The following RAB28 variants were observed in gnomAD, a reference collection of about 807,000 sequenced individuals.
RAB28 encodes the protein ras-related protein Rab-28.
In RAB28, 24 loss-of-function variants were observed where a neutral mutation model predicts 31.7. The observed-to-expected ratio is 0.76, with a 90% CI of 0.55 to 1.06. The LOEUF (loss-of-function observed/expected upper bound fraction) is 1.06. Among genes scored for constraint, RAB28 ranks in the 50% least tolerant of loss-of-function variants. The pLI, the probability that RAB28 is intolerant of heterozygous loss-of-function variation, is 0.00. For synonymous variants in RAB28, 100 were observed against 90.4 expected, an observed-to-expected ratio of 1.11 and a Z score of -0.60; for missense variants, 254 against 258.5, an observed-to-expected ratio of 0.98 and a Z score of 0.12.
intron 4 of RAB28, among the ~76,000 whole-genome samples, chr4:13,437,443 G>T (rs1351025461): frequency 6.6e-6 from 1 of 151,980 alleles, no homozygotes; most frequent in Admixed American, 6.6e-5. Context: ...CAGAATGAGA[G>T]AAAATACCTG....
At chr4:13,416,055 AAC>A (rs2108914883) in intron 4 of RAB28, among the ~76,000 whole-genome samples, 1 of 152,242 alleles carries the variant, frequency 6.6e-6, no homozygotes, top group South Asian at 2.1e-4. Context: ...AGGGATTGTA[AAC>A]ACACCAATCA....
At position 13,479,522 on chromosome 4, in the gene RAB28, G is replaced by A; in HGVS notation, c.80C>T (p.Ser27Phe). Reference sequence around the variant, plus strand: ...TTCTTGAGCAAAACACGTAGTTAAGGAGGTCTAAAAAATTGATGCACAGAA... The same window carrying A: ...TTCTTGAGCAAAACACGTAGTTAAGAAGGTCTAAAAAATTGATGCACAGAA... ...VLGDGASGKTSLTTCFAQETF... is the reference protein window; with the variant it reads ...VLGDGASGKTFLTTCFAQETF... The change falls in exon 2 of 7, where the codon TCC becomes TTC. Residue 27 changes from serine (S) to phenylalanine (F), a missense_variant. Transcript: ENST00000330852. 6.3e-7 allele frequency: 1 copy of A among 1,594,034 alleles called. No individual in the cohort carries two copies. The highest frequency in any genetic ancestry group is 8.6e-7 in the Non-Finnish European group (1 of 1,164,452).
chr4:13,471,332 C>T (rs1716110084), intron 3 of RAB28, among the ~76,000 whole-genome samples: 1 of 152,048 alleles, frequency 6.6e-6, no homozygotes, highest in African/African-American at 2.4e-5. Flanking sequence ...TGAAAAGTAA[C>T]ATTTTCTCCA....
At chr4:13,460,963 C>T in intron 3 of RAB28, 135 bp from the exon 4 acceptor site, 1 of 793,916 alleles carries the variant, frequency 1.3e-6, no homozygotes, top group Non-Finnish European at 1.9e-6. Context: ...ATATAAACTT[C>T]CATTTAAATT....
intron 4 of RAB28, among the ~76,000 whole-genome samples, chr4:13,392,548 G>A (rs1380341731): frequency 6.6e-6 from 1 of 152,156 alleles, no homozygotes; most frequent in African/African-American, 2.4e-5. Context: ...AAAGAAAGTA[G>A]TGCAAAGTGA....
intron 6 of RAB28, chr4:13,370,881 C>G: frequency 1.0e-6 from 1 of 957,670 alleles, no homozygotes; most frequent in South Asian, 4.8e-5. Flanking sequence ...TTGTTATATT[C>G]TTAATTGCTG....
chr4:13,386,880 A>C (rs60898891), intron 4 of RAB28, among the ~76,000 whole-genome samples: 3 of 152,174 alleles, frequency 2.0e-5, no homozygotes, highest in Non-Finnish European at 4.4e-5. Flanking sequence ...GATAAAGACA[A>C]TGCAGTACAT....
Position 13,484,252 on chromosome 4 carries a change from A to AC in RAB28, c.-103dup. The AC allele has an allele frequency of 6.8e-6, 6 of 880,550 alleles. No homozygotes were observed. The highest frequency in any genetic ancestry group is 5.9e-4 in the Middle Eastern group (2 of 3,408). The allele number at this position is 880,550 out of a possible 1,614,324, so 54.5% of individuals were successfully genotyped here. A position where few individuals can be genotyped will look rare whatever the true frequency, so the allele number is the denominator to read the frequency against. The stretch of plus-strand genomic sequence containing the variant: ...GAGGAAGGGAGGTAGTTGCGGCAGG[A>AC]CCCCCGCCCCGGTGTCTCCGCGCCG... On this transcript the variant is annotated 5_prime_UTR_variant, in exon 1 of 7. Transcript: ENST00000330852.
chr4:13,379,088 T>A (rs867306850), intron 5 of RAB28, among the ~76,000 whole-genome samples: 2 of 150,438 alleles, frequency 1.3e-5, no homozygotes, highest in Non-Finnish European at 3.0e-5. Flanking sequence ...GTGCCTGTAA[T>A]CCCAGCTATT....
At chr4:13,412,269 G>A (rs1240462569) in intron 4 of RAB28, among the ~76,000 whole-genome samples, 1 of 2,814 alleles carries the variant, frequency 3.6e-4, no homozygotes, top group Non-Finnish European at 5.6e-3. Flanking sequence ...TCCAGGTGGC[G>A]CAAGAGTTTC....
intron 4 of RAB28, among the ~76,000 whole-genome samples, chr4:13,446,552 G>A (rs1224129670): frequency 6.6e-6 from 1 of 152,200 alleles, no homozygotes; most frequent in East Asian, 1.9e-4. Flanking sequence ...GAAAAGCGTA[G>A]CACCCGGGGT....
chr4:13,472,304 C>T (rs969878729), intron 3 of RAB28, among the ~76,000 whole-genome samples: 2 of 151,626 alleles, frequency 1.3e-5, no homozygotes, highest in East Asian at 1.9e-4. Flanking sequence ...TGAGCCACTG[C>T]GCCTAGCTGA....
chr4:13,390,797 A>T (rs999807610), intron 4 of RAB28, among the ~76,000 whole-genome samples: 12 of 152,192 alleles, frequency 7.9e-5, no homozygotes, highest in African/African-American at 2.7e-4. Flanking sequence ...AAAAACAAGC[A>T]ATGGGGAAAG....
At chr4:13,481,534 A>AAAATTTCTACTAACATTTTTGACTTGGT (rs1716604902) in intron 1 of RAB28, among the ~76,000 whole-genome samples, 1 of 152,084 alleles carries the variant, frequency 6.6e-6, no homozygotes, top group South Asian at 2.1e-4. Flanking sequence ...TTTGATTTGG[A>AAAATTTCTACTAACATTTTTGACTTGGT]AAATTTCTAC....
intron 6 of RAB28, chr4:13,371,084 G>A: frequency 1.0e-6 from 1 of 984,824 alleles, no homozygotes; most frequent in Non-Finnish European, 1.2e-6. Flanking sequence ...GAGCTGCTGT[G>A]TGTGACTACA....
intron 4 of RAB28, among the ~76,000 whole-genome samples, chr4:13,383,356 CT>C (rs960607034): frequency 3.5e-4 from 54 of 152,116 alleles, no homozygotes; most frequent in African/African-American, 1.2e-3. Flanking sequence ...TGGTTTATTG[CT>C]TTTTATTTCT....
chr4:13,443,402 G>T (rs982375081), intron 4 of RAB28, among the ~76,000 whole-genome samples: 34 of 152,286 alleles, frequency 2.2e-4, no homozygotes, highest in African/African-American at 8.2e-4. Context: ...TCCATCTCTT[G>T]ACCTCATGAT....
chr4:13,375,249 G>C (rs892217395), intron 6 of RAB28, among the ~76,000 whole-genome samples: 1 of 152,154 alleles, frequency 6.6e-6, no homozygotes, highest in Non-Finnish European at 1.5e-5. Flanking sequence ...ACCTGATCCA[G>C]GGAGTTATTA....
chr4:13,448,082 C>T (rs1714786217), intron 4 of RAB28, among the ~76,000 whole-genome samples: 1 of 152,032 alleles, frequency 6.6e-6, no homozygotes, highest in Non-Finnish European at 1.5e-5. Context: ...AAAATTACAG[C>T]ACCTAGAAAA....
Sources: gnomAD v4.1 joint callset for allele counts (sites outside exome capture counted in the v4.1 genomes callset) on GRCh38, gnomAD v4.1.1 for gene constraint, MANE v1.5 for transcripts, NCBI Gene and HGNC (gene_info 2026-07-23, HGNC 2026-07-21) for gene names.